The following TMEM72 variants were observed in gnomAD, a reference collection of about 807,000 sequenced individuals.
The protein encoded by TMEM72 is transmembrane protein 72, also known as kidney-specific secretory protein of 37 kDa.
In TMEM72, 9 loss-of-function variants were observed where a neutral mutation model predicts 16.3. The ratio of observed to expected loss-of-function variants is 0.55; its 90% CI spans 0.33 to 0.96. TMEM72 has a LOEUF of 0.96. Among genes scored for constraint, TMEM72 ranks in the 40% least tolerant of loss-of-function variants. The pLI, the probability that TMEM72 is intolerant of heterozygous loss-of-function variation, is 0.03. For missense variants in TMEM72, 324 were observed against 337.8 expected (o/e 0.96, Z 0.32); for synonymous variants, 160 against 146.5 (o/e 1.09, Z -0.66).
intron 1 of TMEM72, among the ~76,000 whole-genome samples, chr10:44,912,114 T>G (rs1452069384): frequency 2.6e-5 from 4 of 152,192 alleles, no homozygotes; most frequent in African/African-American, 9.6e-5. Context: ...TGCTGGACCC[T>G]GTTAACAGAA....
At chr10:44,932,728 C>A (rs913597198) in intron 3 of TMEM72, among the ~76,000 whole-genome samples, 5 of 152,224 alleles carry the variant, frequency 3.3e-5, no homozygotes, top group African/African-American at 1.2e-4. Context: ...GGCTCACCAG[C>A]CCTAAGGCAG....
chr10:44,930,809 T>TAATA (rs1476164834), intron 2 of TMEM72, among the ~76,000 whole-genome samples: 3 of 152,208 alleles, frequency 2.0e-5, no homozygotes, highest in Non-Finnish European at 4.4e-5. Context: ...AGAACAGTTT[T>TAATA]ACTGTTGATG....
In TMEM72 at chr10:44,935,032, G is replaced by C; in HGVS notation, c.726G>C (p.Gly242=). 6.2e-7 allele frequency: 1 copy of C among 1,613,900 alleles called. No individual in the cohort carries two copies. Among genetic ancestry groups the C allele is most frequent in the East Asian group, 2.2e-5 (1 of 44,860 alleles). ...VPSLAEGLDD[G]DSEPEETTSD... Reference sequence around the variant, plus strand: ...CCCTCGCCGAAGGTCTGGATGATGGGGACAGTGAGCCAGAGGAGACCACCT... The same window carrying C: ...CCCTCGCCGAAGGTCTGGATGATGGCGACAGTGAGCCAGAGGAGACCACCT... Residue 242 remains glycine, a synonymous_variant, in exon 5 of 5, where the codon GGG becomes GGC. Transcript: ENST00000389583.
intron 1 of TMEM72, among the ~76,000 whole-genome samples, chr10:44,926,109 CCACATACA>C (rs1388389841): frequency 1.3e-5 from 2 of 151,354 alleles, no homozygotes; most frequent in African/African-American, 4.9e-5. Flanking sequence ...ACATACACAC[CCACATACA>C]CACATACATA....
At chr10:44,934,536 G>A in intron 4 of TMEM72, 120 bp from the exon 5 acceptor site, 1 of 1,000,308 alleles carries the variant, frequency 1.0e-6, no homozygotes, top group Non-Finnish European at 1.4e-6. Context: ...CAGGGCCACA[G>A]GGGCCTGTGA....
chr10:44,915,356 T>C (rs1839998403), intron 1 of TMEM72, among the ~76,000 whole-genome samples: 1 of 152,178 alleles, frequency 6.6e-6, no homozygotes, highest in South Asian at 2.1e-4. Flanking sequence ...TCGCATTTCA[T>C]CCTCCTGTCA....
chr10:44,926,037 ACT>A (rs765929122), intron 1 of TMEM72, among the ~76,000 whole-genome samples: 34 of 149,850 alleles, frequency 2.3e-4, no homozygotes, highest in Middle Eastern at 6.9e-3. Flanking sequence ...ACACACACAC[ACT>A]CACACACATC....
intron 1 of TMEM72, among the ~76,000 whole-genome samples, chr10:44,924,550 G>C (rs1332623): frequency 2.0e-5 from 3 of 152,020 alleles, no homozygotes; most frequent in African/African-American, 7.2e-5. Flanking sequence ...TGGGCCTGCC[G>C]CTCCCAGCAG....
At chr10:44,929,508 CT>C (rs1840260039) in intron 2 of TMEM72, among the ~76,000 whole-genome samples, 1 of 152,248 alleles carries the variant, frequency 6.6e-6, no homozygotes, top group African/African-American at 2.4e-5. Context: ...GGCAGCTGAC[CT>C]GTGCTTTTAG....
intron 1 of TMEM72, among the ~76,000 whole-genome samples, chr10:44,926,981 C>T (rs1840205599): frequency 6.6e-6 from 1 of 152,104 alleles, no homozygotes; most frequent in African/African-American, 2.4e-5. Context: ...GAAGCAGCGC[C>T]ACGAGCAGCA....
intron 1 of TMEM72, 73 bp from the exon 2 acceptor site, chr10:44,927,848 A>G: frequency 6.7e-7 from 1 of 1,481,668 alleles, no homozygotes; most frequent in Non-Finnish European, 9.2e-7. Flanking sequence ...CTCCACAGCC[A>G]AGGTACCCTC....
intron 2 of TMEM72, among the ~76,000 whole-genome samples, chr10:44,929,469 C>G (rs572337662): frequency 2.0e-5 from 3 of 152,234 alleles, no homozygotes; most frequent in Admixed American, 6.5e-5. Flanking sequence ...ACTCCCCCCC[C>G]TCCTCAGGAT....
Position 44,927,985 on chromosome 10 carries a change from G to A in TMEM72, c.135G>A (p.Leu45=), listed in dbSNP as rs1331579384. 6.2e-7 allele frequency: 1 copy of A among 1,613,472 alleles called. No individual in the cohort carries two copies. Among genetic ancestry groups the A allele is most frequent in the Non-Finnish European group, 8.5e-7 (1 of 1,179,954 alleles). ...QGQFKSLAFY[L]LFTGAAVSIC... ...AGTTCAAAAGCCTGGCTTTCTATCT[G>A]CTGTGAGTATGTGTGCATGTGCCAC... Residue 45 remains leucine (L), a splice_region_variant and synonymous_variant, in exon 2 of 5, where the codon CTG becomes CTA. Transcript: ENST00000389583.
At chr10:44,930,656 C>T (rs1214978889) in intron 2 of TMEM72, among the ~76,000 whole-genome samples, 3 of 152,156 alleles carry the variant, frequency 2.0e-5, no homozygotes, top group Non-Finnish European at 2.9e-5. Context: ...TAGGCTCACA[C>T]TGGGAGGCAT....
Position 44,934,777 on chromosome 10 carries a change from G to T in TMEM72, c.471G>T (p.Val157=), listed in dbSNP as rs1214446361. 6.2e-7 allele frequency: 1 copy of T among 1,613,590 alleles called. No homozygotes were observed. The highest frequency in any genetic ancestry group is 8.5e-7 in the Non-Finnish European group (1 of 1,179,996). Residue 157 remains valine (V), a synonymous_variant, in exon 5 of 5, where the codon GTG becomes GTT. Transcript: ENST00000389583. ...ACACAGACCCCTCTAGCAGCGCTGT[G>T]AGCACCACCGGCTCTGGGGACACAG... is the stretch of plus-strand genomic sequence containing the variant. ...EQYTDPSSSA[V]STTGSGDTEQ...
chr10:44,922,107 G>C (rs772983267), intron 1 of TMEM72, among the ~76,000 whole-genome samples: 6 of 152,124 alleles, frequency 3.9e-5, no homozygotes, highest in Non-Finnish European at 7.3e-5. Context: ...AGTTATCCGG[G>C]TGCCATAACT....
chr10:44,930,158 C>G (rs1460260769), intron 2 of TMEM72, among the ~76,000 whole-genome samples: 2 of 152,190 alleles, frequency 1.3e-5, no homozygotes, highest in Non-Finnish European at 2.9e-5. Flanking sequence ...CTGGGGTCCC[C>G]TGCCCCTTGC....
chr10:44,934,321 T>C (rs1455116059), intron 4 of TMEM72, among the ~76,000 whole-genome samples: 1 of 152,208 alleles, frequency 6.6e-6, no homozygotes, highest in East Asian at 1.9e-4. Context: ...TTTCTGCTAG[T>C]GTCCTTCTCC....
chr10:44,927,970 C>T lies in TMEM72; in HGVS notation c.120C>T (p.Ser40=). ...CCTTCCTCCAGGGCCAGTTCAAAAG[C>T]CTGGCTTTCTATCTGCTGTGAGTAT... ...TETFLQGQFK[S]LAFYLLFTGA... is the part of the protein sequence containing the mutation. Residue 40 remains serine, a synonymous_variant, in exon 2 of 5, where the codon AGC becomes AGT. Coordinates refer to ENST00000389583, the MANE Select transcript of TMEM72 (RefSeq NM_001123376.3). 1 of 1,613,792 alleles carries T rather than the reference C, an allele frequency of 6.2e-7. No homozygotes were observed. Among genetic ancestry groups the T allele is most frequent in the Non-Finnish European group, 8.5e-7 (1 of 1,179,980 alleles).
Sources: gnomAD v4.1 joint callset for allele counts (sites outside exome capture counted in the v4.1 genomes callset) on GRCh38, gnomAD v4.1.1 for gene constraint, MANE v1.5 for transcripts, NCBI Gene and HGNC (gene_info 2026-07-23, HGNC 2026-07-21) for gene names.